Variants in RAB3IP observed in about 807,000 individuals in gnomAD.
RAB3IP encodes RAB3A interacting protein.
In RAB3IP, 36 loss-of-function variants were observed where a neutral mutation model predicts 59.1. The ratio of observed to expected loss-of-function variants is 0.61; its 90% CI spans 0.47 to 0.80. The LOEUF is 0.80. Ranked by LOEUF, RAB3IP falls within the 30% of genes least tolerant of loss-of-function variation. The pLI, the probability that RAB3IP is intolerant of heterozygous loss-of-function variation, is 0.00. For missense variants in RAB3IP, 511 were observed against 536.0 expected (o/e 0.95, Z 0.46); for synonymous variants, 207 against 191.2 (o/e 1.08, Z -0.68).
Position 69,816,949 on chromosome 12 carries a change from G to T in RAB3IP, c.*1503G>T, listed in dbSNP as rs1251558430. ...AGTACCATGCCTAGCTCAAGAATGT[G>T]AAATTGAACCTGAAAAAAACTTTGA... On this transcript the variant is annotated 3_prime_UTR_variant, in exon 11 of 11. Transcript: ENST00000247833. The T allele has an allele frequency of 1.3e-5, 2 of 152,128 alleles. No homozygotes were observed. The highest frequency in any genetic ancestry group is 2.9e-5 in the Non-Finnish European group (2 of 68,024). 9.4% of individuals were successfully genotyped at this position (152,128 alleles called of 1,614,324 possible).
chr12:69,739,799 T>G (rs1887105008), intron 1 of RAB3IP: 2 of 1,612,254 alleles, frequency 1.2e-6, no homozygotes, highest in East Asian at 2.2e-5. Context: ...GCTCCAGAAG[T>G]GATGATGCTG....
chr12:69,772,583 T>C (rs1327839449), intron 3 of RAB3IP, among the ~76,000 whole-genome samples: 1 of 152,180 alleles, frequency 6.6e-6, no homozygotes, highest in East Asian at 1.9e-4. Context: ...AGGATTTTGC[T>C]TTGTGGTTAC....
intron 3 of RAB3IP, among the ~76,000 whole-genome samples, chr12:69,766,455 T>C (rs994204162): frequency 6.6e-6 from 1 of 152,070 alleles, no homozygotes; most frequent in Admixed American, 6.6e-5. Context: ...TGCTAAAGCT[T>C]TCAATTGTAT....
intron 4 of RAB3IP, among the ~76,000 whole-genome samples, chr12:69,789,624 G>C (rs1206067986): frequency 6.6e-6 from 1 of 152,122 alleles, no homozygotes; most frequent in Admixed American, 6.6e-5. Context: ...GCCAGTAAAT[G>C]TACCACAAGG....
At chr12:69,791,694 G>T (rs1592569349) in intron 4 of RAB3IP, among the ~76,000 whole-genome samples, 3 of 152,130 alleles carry the variant, frequency 2.0e-5, no homozygotes, top group African/African-American at 7.2e-5. Context: ...TGGAGAAAAG[G>T]AACTTGTCCA....
Position 69,817,220 on chromosome 12 carries a change from T to C in RAB3IP, c.*1774T>C, listed in dbSNP as rs1194460204. On this transcript the variant is annotated 3_prime_UTR_variant, in exon 11 of 11. Transcript: ENST00000247833. ...AAAAAGTAAGACTAAAGAAAATCAG[T>C]ATACCCATTAATAATAAATCTTTAG... 2.0e-5 allele frequency: 3 copies of C among 152,146 alleles called. No homozygotes were observed. The highest frequency in any genetic ancestry group is 7.2e-5 in the African/African-American group (3 of 41,452). The allele number at this position is 152,146 out of a possible 1,614,324, so 9.4% of individuals were successfully genotyped here.
chr12:69,746,798 A>G (rs1468229711), intron 1 of RAB3IP, among the ~76,000 whole-genome samples: 1 of 152,222 alleles, frequency 6.6e-6, no homozygotes, highest in African/African-American at 2.4e-5. Context: ...CTCATTTTTA[A>G]TCTCAGAAAC....
Position 69,815,657 on chromosome 12 carries a change from G to A in RAB3IP, c.*211G>A, listed in dbSNP as rs1881057203. On this transcript the variant is annotated 3_prime_UTR_variant, in exon 11 of 11. Coordinates refer to ENST00000247833, the MANE Select transcript of RAB3IP (RefSeq NM_022456.5). ...GAACACACTATGAAGAATTCCAGGT[G>A]TACTAGTGAATGTAATTTATAGTTG... The A allele has an allele frequency of 6.2e-6, 2 of 320,134 alleles. No individual in the cohort carries two copies. Among genetic ancestry groups the A allele is most frequent in the Non-Finnish European group, 1.1e-5 (2 of 177,628 alleles). The allele number at this position is 320,134 out of a possible 1,614,324, so 19.8% of individuals were successfully genotyped here.
intron 8 of RAB3IP, among the ~76,000 whole-genome samples, chr12:69,810,306 C>A (rs1880218853): frequency 6.6e-6 from 1 of 152,208 alleles, no homozygotes. Context: ...CAGTCCGCCC[C>A]TACTGGGGGG....
intron 1 of RAB3IP, among the ~76,000 whole-genome samples, chr12:69,754,350 C>A (rs1169727747): frequency 1.3e-5 from 2 of 150,736 alleles, no homozygotes; most frequent in Non-Finnish European, 3.0e-5. Context: ...CGGGCACACA[C>A]ACACACACAC....
intron 8 of RAB3IP, among the ~76,000 whole-genome samples, chr12:69,810,192 A>G (rs1444581455): frequency 6.6e-6 from 1 of 152,198 alleles, no homozygotes; most frequent in African/African-American, 2.4e-5. Flanking sequence ...AGGTATCAGC[A>G]GTGGTGGCTG....
At position 69,809,754 on chromosome 12, in the gene RAB3IP, G is replaced by A. The variant is rs567434066; in HGVS notation, c.1131-3024G>A. Among the ~76,000 whole-genome samples the A allele has an allele frequency of 3.3e-5, 5 of 152,188 alleles. No individual in the cohort carries two copies. The East Asian group carries it at 9.7e-4, about 29-fold the overall frequency. On this transcript the variant is annotated intron_variant, in intron 8 of 10. Coordinates refer to ENST00000247833, the MANE Select transcript of RAB3IP (RefSeq NM_022456.5). ...ATGCCATGGTTTTCAGCTCCATCAGGTCCTTTAAGGACTTCTCTGCATGGG... is the reference window on the plus strand; with the variant it reads ...ATGCCATGGTTTTCAGCTCCATCAGATCCTTTAAGGACTTCTCTGCATGGG...
At chr12:69,785,240 G>A (rs181352124) in intron 4 of RAB3IP, among the ~76,000 whole-genome samples, 10 of 152,244 alleles carry the variant, frequency 6.6e-5, no homozygotes, top group African/African-American at 2.2e-4. Context: ...TATCCAGCCC[G>A]CCACCAGGAA....
intron 3 of RAB3IP, among the ~76,000 whole-genome samples, chr12:69,759,869 CAG>C (rs1352398101): frequency 2.0e-5 from 3 of 151,680 alleles, no homozygotes; most frequent in African/African-American, 7.3e-5. Context: ...GGCTGCCGGG[CAG>C]AGACGCTCCT....
At chr12:69,749,271 G>C (rs1360278874) in intron 1 of RAB3IP, among the ~76,000 whole-genome samples, 1 of 152,184 alleles carries the variant, frequency 6.6e-6, no homozygotes, top group South Asian at 2.1e-4. Context: ...CACATTGCAA[G>C]GGATCTAGGT....
chr12:69,786,381 A>G (rs557283384), intron 4 of RAB3IP, among the ~76,000 whole-genome samples: 8 of 152,182 alleles, frequency 5.3e-5, no homozygotes, highest in African/African-American at 1.9e-4. Flanking sequence ...ATTTTCTTTC[A>G]TGAACATTTT....
At chr12:69,807,872 G>T (rs112614993) in intron 8 of RAB3IP, among the ~76,000 whole-genome samples, 1 of 150,112 alleles carries the variant, frequency 6.7e-6, no homozygotes, top group African/African-American at 2.5e-5. Context: ...CAGACGGGGC[G>T]GCCGGGCGGA....
At chr12:69,746,210 A>G (rs946650985) in intron 1 of RAB3IP, among the ~76,000 whole-genome samples, 1 of 152,182 alleles carries the variant, frequency 6.6e-6, no homozygotes, top group African/African-American at 2.4e-5. Context: ...CTACATTACA[A>G]TACATCTATA....
At chr12:69,800,679 T>A (rs1168644820) in intron 7 of RAB3IP, among the ~76,000 whole-genome samples, 2 of 152,184 alleles carry the variant, frequency 1.3e-5, no homozygotes, top group Non-Finnish European at 2.9e-5. Flanking sequence ...GCATTTGTTG[T>A]GTCTATCTGT....
Sources: gnomAD v4.1 joint callset for allele counts (sites outside exome capture counted in the v4.1 genomes callset) on GRCh38, gnomAD v4.1.1 for gene constraint, MANE v1.5 for transcripts, NCBI Gene and HGNC (gene_info 2026-07-23, HGNC 2026-07-21) for gene names.